PAQR5: variants seen among roughly 807,000 people sequenced by gnomAD.
The protein encoded by PAQR5 is membrane progestin receptor gamma.
PAQR5 carries 20 observed loss-of-function variants against 34.5 expected under a neutral mutation model. That is an observed-to-expected ratio of 0.58 (90% CI 0.41 to 0.84). The LOEUF (loss-of-function observed/expected upper bound fraction) is 0.84. PAQR5 is among the 40% of genes least tolerant of loss of function. The probability of loss-of-function intolerance (pLI) is 0.00; values close to 1 mark genes in which losing one functional copy is unlikely to be tolerated. For synonymous variants in PAQR5, 131 were observed against 155.6 expected, an observed-to-expected ratio of 0.84 and a Z score of 1.18; for missense variants, 378 against 412.7, an observed-to-expected ratio of 0.92 and a Z score of 0.73.
In PAQR5 at chr15:69,389,711, T is replaced by C. The variant is rs201757632; in HGVS notation, c.443T>C (p.Phe148Ser). Residue 148 changes from phenylalanine to serine, a missense_variant, in exon 6 of 9, where the codon TTC becomes TCC. Coordinates refer to ENST00000395407, the MANE Select transcript of PAQR5 (RefSeq NM_017705.4). ...CCGGATGCGCTCATGTGCACCACTT[T>C]CCATGACTACTACGTGGCCCTGGCT... is the stretch of plus-strand genomic sequence containing the variant. ...TFPDALMCTTFHDYYVALAVL... is the reference protein window; with the variant it reads ...TFPDALMCTTSHDYYVALAVL... The C allele has an allele frequency of 2.0e-4, 318 of 1,614,194 alleles. 1 individual carries two copies. The highest frequency in any genetic ancestry group is 2.6e-4 in the Non-Finnish European group (308 of 1,180,014).
Position 69,372,401 on chromosome 15 carries a change from G to A in PAQR5, c.52-7482G>A, listed in dbSNP as rs2055587791. ...TCTACTAAAAATACAAAATTCACTG[G>A]GCATGGTGGCACATGCCTGTAATTC... On this transcript the variant is annotated intron_variant, in intron 3 of 8. Transcript: ENST00000395407. Among the ~76,000 whole-genome samples the A allele has an allele frequency of 1.3e-5, 2 of 152,086 alleles. 1 individual carries two copies. The highest frequency in any genetic ancestry group is 2.9e-5 in the Non-Finnish European group (2 of 68,014).
chr15:69,394,637 G>A (rs1012718200), intron 6 of PAQR5, among the ~76,000 whole-genome samples: 2 of 152,168 alleles, frequency 1.3e-5, no homozygotes, highest in African/African-American at 4.8e-5. Context: ...TGCCAACCTC[G>A]TTCTGAGCAG....
chr15:69,300,637 CTTTCTT>C (rs2053528937), intron 1 of PAQR5, among the ~76,000 whole-genome samples: 1 of 39,734 alleles, frequency 2.5e-5, no homozygotes, highest in Non-Finnish European at 6.4e-5. Flanking sequence ...TTCTTTCTTT[CTTTCTT>C]TCTTTCTTTT....
Position 69,400,070 on chromosome 15 carries a change from G to A in PAQR5, c.706G>A (p.Ala236Thr). Residue 236 changes from alanine (A) to threonine (T), a missense_variant, in exon 8 of 9, where the codon GCA (alanine) becomes ACA (threonine). Physicochemically the swap from Ala to Thr is moderately conservative, Grantham distance 58. Coordinates refer to ENST00000395407, the MANE Select transcript of PAQR5 (RefSeq NM_017705.4). Reference protein sequence around the residue: ...MTLLASFLYSAHLPERLAPGR... With the variant: ...MTLLASFLYSTHLPERLAPGR... ...CCTCCTGGCCTCTTTCTTGTACTCT[G>A]CACATCTGCCAGAACGCCTAGCCCC... is the stretch of plus-strand genomic sequence containing the variant. The A allele has an allele frequency of 6.2e-7, 1 of 1,614,198 alleles. No homozygotes were observed. Among genetic ancestry groups the A allele is most frequent in the Non-Finnish European group, 8.5e-7 (1 of 1,180,024 alleles).
At chr15:69,390,342 T>TTATA (rs2056225177) in intron 6 of PAQR5, among the ~76,000 whole-genome samples, 1 of 116,344 alleles carries the variant, frequency 8.6e-6, no homozygotes, top group South Asian at 3.4e-4. Context: ...ATTTATTTAT[T>TTATA]TATTTATTTA....
At chr15:69,314,954 G>A (rs527395268) in intron 1 of PAQR5, among the ~76,000 whole-genome samples, 6 of 152,264 alleles carry the variant, frequency 3.9e-5, no homozygotes, top group South Asian at 2.1e-4. Flanking sequence ...CTTCAGTATC[G>A]CTGTCTGGGC....
At chr15:69,354,344 A>G (rs183250858) in intron 2 of PAQR5, among the ~76,000 whole-genome samples, 1 of 152,360 alleles carries the variant, frequency 6.6e-6, no homozygotes, top group Non-Finnish European at 1.5e-5. Flanking sequence ...GTATATATAC[A>G]TATATTAACA....
chr15:69,310,764 C>T (rs28539070), intron 1 of PAQR5, among the ~76,000 whole-genome samples: 7,508 of 151,806 alleles, frequency 0.049, 618 homozygotes, highest in African/African-American at 0.17. Context: ...GTTGGCCAGG[C>T]GCGGTGGCTC....
intron 2 of PAQR5, among the ~76,000 whole-genome samples, chr15:69,347,673 T>G (rs1194620137): frequency 6.6e-6 from 1 of 152,152 alleles, no homozygotes; most frequent in Non-Finnish European, 1.5e-5. Flanking sequence ...GAGTGACTCA[T>G]AGACAACAGA....
intron 3 of PAQR5, among the ~76,000 whole-genome samples, chr15:69,366,864 A>G (rs144533386): frequency 2.6e-5 from 4 of 152,228 alleles, no homozygotes; most frequent in African/African-American, 7.2e-5. Flanking sequence ...TGTGTTTTTT[A>G]GGTATATCCA....
At chr15:69,369,206 GGT>G (rs1237412790) in intron 3 of PAQR5, among the ~76,000 whole-genome samples, 1 of 152,018 alleles carries the variant, frequency 6.6e-6, no homozygotes, top group East Asian at 1.9e-4. Context: ...TCTCACTCAT[GGT>G]GTTTTCTTTC....
Position 69,386,859 on chromosome 15 carries a change from C to A in PAQR5, c.385+1977C>A, listed in dbSNP as rs913381618. 3.9e-5 allele frequency among the ~76,000 whole-genome samples: 6 copies of A among 152,242 alleles called. 1 individual carries two copies. The highest frequency in any genetic ancestry group is 6.5e-5 in the Admixed American group (1 of 15,300). ...AGAACTGTACCTGCTCCCGCCCCTG[C>A]CCCTACACCTGCTAGCCCTCTGTAT... On this transcript the variant is annotated intron_variant, in intron 5 of 8. Transcript: ENST00000395407.
intron 2 of PAQR5, among the ~76,000 whole-genome samples, chr15:69,355,853 AAACTTAAAC>A (rs2055064771): frequency 1.3e-5 from 2 of 152,154 alleles, no homozygotes; most frequent in Non-Finnish European, 1.5e-5. Context: ...TGCGTATCAC[AAACTTAAAC>A]AATTTTTATA....
chr15:69,397,822 T>G (rs1476005368), intron 7 of PAQR5: 1 of 541,014 alleles, frequency 1.8e-6, no homozygotes, highest in Non-Finnish European at 3.3e-6. Flanking sequence ...TTTTTCTACA[T>G]AGACACAGTA....
At chr15:69,390,354 T>TA (rs2056229955) in intron 6 of PAQR5, among the ~76,000 whole-genome samples, 1 of 111,568 alleles carries the variant, frequency 9.0e-6, no homozygotes, top group Admixed American at 9.0e-5. Flanking sequence ...ATTTATTTAT[T>TA]TATTTATTTT....
chr15:69,402,992 T>C (rs747190170), intron 8 of PAQR5, among the ~76,000 whole-genome samples: 18 of 152,370 alleles, frequency 1.2e-4, no homozygotes, highest in Middle Eastern at 3.4e-3. Context: ...GTCCTGGTCA[T>C]ATCTGTGACT....
At position 69,360,126 on chromosome 15, in the gene PAQR5, C is replaced by T; in HGVS notation, c.46C>T (p.Pro16Ser). ...CAGGCTGTTTAGCATAGACCAGATACCCCAGGTATGTGCTCTATTGATTAT... is the reference window on the plus strand; with the variant it reads ...CAGGCTGTTTAGCATAGACCAGATATCCCAGGTATGTGCTCTATTGATTAT... ...LPRLFSIDQI[P>S]QVFHEQGILF... The change falls in exon 3 of 9, where the codon CCC (proline) becomes TCC (serine). Residue 16 changes from proline to serine, a missense_variant. Physicochemically the swap from Pro to Ser is moderately conservative, Grantham distance 74. Transcript: ENST00000395407. The T allele has an allele frequency of 6.2e-7, 1 of 1,612,078 alleles. No homozygotes were observed. The highest frequency in any genetic ancestry group is 8.5e-7 in the Non-Finnish European group (1 of 1,178,182).
At chr15:69,399,273 G>T (rs1015424660) in intron 7 of PAQR5, among the ~76,000 whole-genome samples, 9 of 152,280 alleles carry the variant, frequency 5.9e-5, no homozygotes, top group Admixed American at 5.9e-4. Flanking sequence ...TTAAACATGG[G>T]TTGGAACTTT....
chr15:69,397,674 C>T (rs1595945839), intron 7 of PAQR5, 110 bp downstream of exon 7: 3 of 782,478 alleles, frequency 3.8e-6, no homozygotes, highest in Admixed American at 1.9e-5. Context: ...CAGAACAAAA[C>T]AGGAGTCGAG....
Sources: allele counts gnomAD v4.1 joint callset (sites outside exome capture counted in the v4.1 genomes callset), GRCh38; gene constraint gnomAD v4.1.1; transcripts MANE v1.5; gene names NCBI Gene and HGNC (gene_info 2026-07-23, HGNC 2026-07-21).